Variants in SLC9A1 observed in about 807,000 individuals in gnomAD.
The protein encoded by SLC9A1 is sodium/hydrogen exchanger 1.
SLC9A1 carries 22 observed loss-of-function variants against 67.9 expected under a neutral mutation model. The observed-to-expected ratio is 0.32, with a 90% CI of 0.23 to 0.46. The LOEUF is 0.46. Ranked by LOEUF, SLC9A1 falls within the 20% of genes least tolerant of loss-of-function variation. SLC9A1 has a pLI of 1.00. For missense variants in SLC9A1, 686 were observed against 1,094.8 expected (o/e 0.63, Z 5.27); for synonymous variants, 421 against 471.8 (o/e 0.89, Z 1.40).
chr1:27,138,211 T>C (rs1324349369), intron 1 of SLC9A1, among the ~76,000 whole-genome samples: 3 of 152,158 alleles, frequency 2.0e-5, no homozygotes, highest in African/African-American at 7.2e-5. Flanking sequence ...TCTCACACCA[T>C]GCTTCCCCTC....
At chr1:27,112,127 T>A (rs940054221) in intron 2 of SLC9A1, among the ~76,000 whole-genome samples, 2 of 152,180 alleles carry the variant, frequency 1.3e-5, no homozygotes, top group African/African-American at 4.8e-5. Flanking sequence ...AGTACTGCAA[T>A]CCCTGTGTCA....
Position 27,107,877 on chromosome 1 carries a change from A to G in SLC9A1, c.1065-12T>C. ...CTGAGGCTATGAGCCTGGAGCAGGA[A>G]AGAGCGGGGTCAGGGCTCCGTGTCG... On this transcript the variant is annotated splice_polypyrimidine_tract_variant and intron_variant, in intron 3 of 11. Transcript: ENST00000263980. The G allele has an allele frequency of 6.3e-7, 1 of 1,578,738 alleles. No homozygotes were observed. Among genetic ancestry groups the G allele is most frequent in the Non-Finnish European group, 8.6e-7 (1 of 1,159,854 alleles).
chr1:27,110,703 CAGA>C (rs917071169), intron 2 of SLC9A1, among the ~76,000 whole-genome samples: 3 of 152,244 alleles, frequency 2.0e-5, no homozygotes, highest in African/African-American at 7.2e-5. Flanking sequence ...AGCCCAGGAG[CAGA>C]AGAACTGGGC....
Position 27,101,848 on chromosome 1 carries a change from G to A in SLC9A1, c.1936-22C>T, listed in dbSNP as rs1024684886. 2.5e-6 allele frequency: 4 copies of A among 1,572,722 alleles called. No individual in the cohort carries two copies. In the African/African-American group the frequency reaches 4.0e-5, roughly 16 times the overall value. On this transcript the variant is annotated intron_variant, in intron 9 of 11. Coordinates refer to ENST00000263980, the MANE Select transcript of SLC9A1 (RefSeq NM_003047.5). This position sits in a 1 kb window ranked among gnomAD's most constrained non-coding sequence, Gnocchi z 4.9. ...GCAGCTGTGGGAGGGACAGCGTCAG[G>A]GCAGTGCGGGCCCCGGAAGGCTCTG...
intron 1 of SLC9A1, among the ~76,000 whole-genome samples, chr1:27,117,313 A>AC (rs2083278441): frequency 6.6e-6 from 1 of 151,892 alleles, no homozygotes; most frequent in Non-Finnish European, 1.5e-5. Context: ...CTGCATGCTG[A>AC]CCCCCCTCCA....
At chr1:27,148,306 G>A (rs949119730) in intron 1 of SLC9A1, among the ~76,000 whole-genome samples, 12 of 152,166 alleles carry the variant, frequency 7.9e-5, no homozygotes, top group Non-Finnish European at 1.6e-4. Flanking sequence ...GTATGTTCAA[G>A]TTGTAGAAAA....
intron 1 of SLC9A1, among the ~76,000 whole-genome samples, chr1:27,153,318 C>A (rs1338163764): frequency 6.6e-6 from 1 of 152,082 alleles, no homozygotes; most frequent in African/African-American, 2.4e-5. Context: ...ATTTCCAGGG[C>A]CCCTTGTCCC....
Position 27,114,298 on chromosome 1 carries a change from G to A in SLC9A1, c.353-12C>T. The A allele has an allele frequency of 2.5e-6, 4 of 1,595,334 alleles. No individual in the cohort carries two copies. Among genetic ancestry groups the A allele is most frequent in the Non-Finnish European group, 2.6e-6 (3 of 1,166,292 alleles). ...GATCACATGGAAACCTGCGGAGGGC[G>A]AGAGAACGGGAGGCCATGGGCTTTC... On this transcript the variant is annotated splice_polypyrimidine_tract_variant and intron_variant, in intron 1 of 11. Coordinates refer to ENST00000263980, the MANE Select transcript of SLC9A1 (RefSeq NM_003047.5). This position sits in a 1 kb window ranked among gnomAD's most constrained non-coding sequence, Gnocchi z 5.4.
intron 2 of SLC9A1, among the ~76,000 whole-genome samples, chr1:27,110,796 G>A (rs2083222632): frequency 6.6e-6 from 1 of 152,178 alleles, no homozygotes; most frequent in South Asian, 2.1e-4. Flanking sequence ...CCTATTGCTA[G>A]GTCCCTGAGC....
At chr1:27,152,375 C>T (rs1295072243) in intron 1 of SLC9A1, among the ~76,000 whole-genome samples, 2 of 152,144 alleles carry the variant, frequency 1.3e-5, no homozygotes, top group Non-Finnish European at 2.9e-5. Context: ...GTGAGGGGAT[C>T]GGGGACAGGA....
At chr1:27,113,768 T>C (rs993760840) in intron 2 of SLC9A1, 58 bp downstream of exon 2, 2 of 1,297,646 alleles carry the variant, frequency 1.5e-6, no homozygotes, top group African/African-American at 2.9e-5. Context: ...GATTCACTGG[T>C]GGGCCTGGAT....
chr1:27,130,153 T>C (rs957227019), intron 1 of SLC9A1, among the ~76,000 whole-genome samples: 1 of 152,154 alleles, frequency 6.6e-6, no homozygotes, highest in Non-Finnish European at 1.5e-5. Flanking sequence ...CAGGCTGGAG[T>C]GCAGTGGCAC....
intron 1 of SLC9A1, among the ~76,000 whole-genome samples, chr1:27,139,267 G>A (rs1422873080): frequency 3.3e-5 from 5 of 152,128 alleles, no homozygotes; most frequent in Non-Finnish European, 7.4e-5. Context: ...GAAGGGTCTG[G>A]TGAAGGTGTC....
chr1:27,118,171 T>C lies in SLC9A1; in HGVS notation c.353-3885A>G, dbSNP rs371491944. The stretch of plus-strand genomic sequence containing the variant: ...TGTTCCTGGAGCTGGTTTCCCTGGC[T>C]TTCCTGTTTTGTCTCTGGCGCTCAG... On this transcript the variant is annotated intron_variant, in intron 1 of 11. Coordinates refer to ENST00000263980, the MANE Select transcript of SLC9A1 (RefSeq NM_003047.5). The surrounding 1 kb of genome is among the most constrained non-coding windows in gnomAD (Gnocchi z 4.3). Among the ~76,000 whole-genome samples, 190 of 152,284 alleles carry C rather than the reference T, an allele frequency of 1.2e-3. 1 individual carries two copies. Among genetic ancestry groups the C allele is most frequent in the African/African-American group, 4.2e-3 (174 of 41,574 alleles).
intron 1 of SLC9A1, among the ~76,000 whole-genome samples, chr1:27,152,019 C>CA (rs2083531746): frequency 6.6e-6 from 1 of 152,130 alleles, no homozygotes; most frequent in African/African-American, 2.4e-5. Flanking sequence ...CTGGAAGGGA[C>CA]CACAAAGATC....
chr1:27,101,991 G>T lies in SLC9A1; in HGVS notation c.1935+25C>A. On this transcript the variant is annotated intron_variant, in intron 9 of 11. Coordinates refer to ENST00000263980, the MANE Select transcript of SLC9A1 (RefSeq NM_003047.5). The surrounding 1 kb of genome is among the most constrained non-coding windows in gnomAD (Gnocchi z 4.9). ...GCTGAAGGGCTCCTGTACCCTGGGGGTCGGGCTGGGGAGCAGGCCCTCACC... is the reference window on the plus strand; with the variant it reads ...GCTGAAGGGCTCCTGTACCCTGGGGTTCGGGCTGGGGAGCAGGCCCTCACC... 1.3e-6 allele frequency: 2 copies of T among 1,566,212 alleles called. No homozygotes were observed. The highest frequency in any genetic ancestry group is 1.8e-6 in the Non-Finnish European group (2 of 1,137,174).
intron 1 of SLC9A1, among the ~76,000 whole-genome samples, chr1:27,145,719 A>G (rs1245131777): frequency 6.6e-6 from 1 of 152,180 alleles, no homozygotes; most frequent in African/African-American, 2.4e-5. Context: ...CTGCTTAAGG[A>G]CATATCTTTT....
In SLC9A1 at chr1:27,100,359, C is replaced by A; in HGVS notation, c.2396G>T (p.Gly799Val). 6.4e-7 allele frequency: 1 copy of A among 1,566,332 alleles called. No individual in the cohort carries two copies. The highest frequency in any genetic ancestry group is 8.7e-7 in the Non-Finnish European group (1 of 1,154,662). ...QRIQRCLSDP[G>V]PHPEPGEGEP... ...TCCCTCCCCAGGCTCAGGGTGTGGG[C>A]CTGGGTCACTGAGGCAGCGCTGTAT... Residue 799 changes from glycine (G) to valine (V), a missense_variant, in exon 12 of 12, where the codon GGC becomes GTC. Around this residue, in one of 7 missense-constraint regions of SLC9A1, gnomAD observed 226 missense variants for 282.4 expected, o/e 0.80. Coordinates refer to ENST00000263980, the MANE Select transcript of SLC9A1 (RefSeq NM_003047.5). The surrounding 1 kb of genome is among the most constrained non-coding windows in gnomAD (Gnocchi z 5.6).
At chr1:27,135,486 C>A (rs1570878375) in intron 1 of SLC9A1, among the ~76,000 whole-genome samples, 1 of 132,526 alleles carries the variant, frequency 7.5e-6, no homozygotes, top group South Asian at 2.4e-4. Context: ...TATACTTAAG[C>A]AGTGTTTGAT....
Sources: allele counts gnomAD v4.1 joint callset (sites outside exome capture counted in the v4.1 genomes callset), GRCh38; gene constraint gnomAD v4.1.1; regional missense constraint gnomAD v4.1.1; non-coding constraint Gnocchi (gnomAD v3.1); transcripts MANE v1.5; gene names NCBI Gene and HGNC (gene_info 2026-07-23, HGNC 2026-07-21).